The following GRID2 variants were observed in gnomAD, a reference collection of about 807,000 sequenced individuals.
GRID2 encodes glutamate ionotropic receptor delta type subunit 2, also known as glutamate receptor ionotropic, delta-2.
Under a neutral mutation model 114.8 loss-of-function variants are expected in GRID2, and 33 were observed. That is an observed-to-expected ratio of 0.29 (90% CI 0.22 to 0.38). The LOEUF is 0.38. GRID2 is among the 10% of genes least tolerant of loss of function. The probability of loss-of-function intolerance (pLI) is 1.00; values close to 1 mark genes in which losing one functional copy is unlikely to be tolerated. For missense variants in GRID2, 1,184 were observed against 1,257.7 expected, an observed-to-expected ratio of 0.94 and a Z score of 0.89; for synonymous variants, 505 against 449.9, an observed-to-expected ratio of 1.12 and a Z score of -1.55.
intron 14 of GRID2, among the ~76,000 whole-genome samples, chr4:93,703,326 C>T (rs1295375989): frequency 6.6e-6 from 1 of 151,918 alleles, no homozygotes; most frequent in Non-Finnish European, 1.5e-5. Context: ...TTACAGGCAT[C>T]CAAAGTGTAA....
chr4:92,443,915 A>G (rs1733284852), intron 1 of GRID2, among the ~76,000 whole-genome samples: 1 of 152,216 alleles, frequency 6.6e-6, no homozygotes, highest in Non-Finnish European at 1.5e-5. Flanking sequence ...GGGTCCACAG[A>G]TAAAATGTAT....
intron 4 of GRID2, among the ~76,000 whole-genome samples, chr4:93,117,319 A>G (rs548531412): frequency 5.4e-4 from 82 of 152,098 alleles, no homozygotes; most frequent in African/African-American, 1.9e-3. Context: ...TTTAGAAGAG[A>G]ATCCTATGCT....
At chr4:92,428,179 A>G (rs760433258) in intron 1 of GRID2, among the ~76,000 whole-genome samples, 69 of 152,028 alleles carry the variant, frequency 4.5e-4, no homozygotes, top group East Asian at 7.8e-4. Context: ...GGAGAATGGC[A>G]TGAACCCGGG....
intron 14 of GRID2, among the ~76,000 whole-genome samples, chr4:93,681,418 G>GA (rs1039453689): frequency 4.0e-5 from 6 of 148,518 alleles, no homozygotes; most frequent in South Asian, 2.1e-4. Context: ...CACAGAATTG[G>GA]AAAAAAACTA....
chr4:93,052,638 A>G (rs1165593026), intron 2 of GRID2, among the ~76,000 whole-genome samples: 7 of 151,960 alleles, frequency 4.6e-5, no homozygotes, highest in Non-Finnish European at 1.0e-4. Context: ...GTCAACCACT[A>G]TCAGAAATGT....
chr4:93,324,853 G>A (rs1757653459), intron 8 of GRID2, among the ~76,000 whole-genome samples: 2 of 152,164 alleles, frequency 1.3e-5, no homozygotes, highest in Admixed American at 6.5e-5. Context: ...TCTGGTGGTA[G>A]TTTGTATGTC....
chr4:93,689,920 C>T (rs1006229536), intron 14 of GRID2, among the ~76,000 whole-genome samples: 4 of 151,920 alleles, frequency 2.6e-5, no homozygotes, highest in African/African-American at 9.7e-5. Flanking sequence ...TTGGAAAATA[C>T]AGAAAAGTCA....
At chr4:92,972,290 T>C (rs1753572587) in intron 2 of GRID2, among the ~76,000 whole-genome samples, 1 of 151,940 alleles carries the variant, frequency 6.6e-6, no homozygotes, top group African/African-American at 2.4e-5. Context: ...ATTTTCCTGA[T>C]GATTAGTGAT....
At chr4:93,517,078 G>A (rs914650434) in intron 13 of GRID2, among the ~76,000 whole-genome samples, 2 of 151,982 alleles carry the variant, frequency 1.3e-5, no homozygotes, top group African/African-American at 2.4e-5. Context: ...TCTGGGCCTT[G>A]AGAGTTGCAT....
chr4:92,712,889 TGTAACTCAGGG>T (rs776217529), intron 2 of GRID2, among the ~76,000 whole-genome samples: 14 of 152,194 alleles, frequency 9.2e-5, no homozygotes, highest in African/African-American at 2.9e-4. Flanking sequence ...AGCTACTGTA[TGTAACTCAGGG>T]GTAACTCAGG....
At position 92,461,923 on chromosome 4, in the gene GRID2, C is replaced by G. The variant is rs570082577; in HGVS notation, c.89-128208C>G. ...ACTTTCTGGGCTTTTAAAATCATACCACCAATTATTCCTGAGATGTTGTAT... is the reference window on the plus strand; with the variant it reads ...ACTTTCTGGGCTTTTAAAATCATACGACCAATTATTCCTGAGATGTTGTAT... On this transcript the variant is annotated intron_variant, in intron 1 of 15. Transcript: ENST00000282020. Among the ~76,000 whole-genome samples, 9 of 152,006 alleles carry G rather than the reference C, an allele frequency of 5.9e-5. No individual in the cohort carries two copies. The East Asian group carries it at 1.7e-3, about 29-fold the overall frequency.
intron 4 of GRID2, among the ~76,000 whole-genome samples, chr4:93,128,058 A>AAAAAAC (rs1734459559): frequency 9.5e-6 from 1 of 105,532 alleles, no homozygotes; most frequent in Non-Finnish European, 1.9e-5. Context: ...AAAAAAAAAA[A>AAAAAAC]ACAACAGTAC....
intron 8 of GRID2, among the ~76,000 whole-genome samples, chr4:93,336,620 A>G (rs576951182): frequency 2.6e-5 from 4 of 152,284 alleles, no homozygotes; most frequent in South Asian, 4.1e-4. Flanking sequence ...GGTGTTGACA[A>G]TTGCTCCCCA....
At chr4:92,689,269 G>A (rs1435796556) in intron 2 of GRID2, among the ~76,000 whole-genome samples, 2 of 152,146 alleles carry the variant, frequency 1.3e-5, no homozygotes, top group African/African-American at 4.8e-5. Context: ...AAAAGGAAGT[G>A]AGCCTGTCCT....
intron 13 of GRID2, among the ~76,000 whole-genome samples, chr4:93,605,798 G>A (rs148282254): frequency 6.6e-6 from 1 of 152,268 alleles, no homozygotes; most frequent in South Asian, 2.1e-4. Flanking sequence ...GTCAAAAGAG[G>A]TAAGTATAAT....
At chr4:93,794,377 T>C (rs1734754237) in intron 1 of GRID2, among the ~76,000 whole-genome samples, 1 of 152,196 alleles carries the variant, frequency 6.6e-6, no homozygotes, top group South Asian at 2.1e-4. Context: ...AGGGACACTT[T>C]AATAACCCAC....
intron 14 of GRID2, among the ~76,000 whole-genome samples, chr4:93,698,578 C>T (rs970078599): frequency 1.3e-5 from 2 of 152,018 alleles, no homozygotes; most frequent in African/African-American, 4.8e-5. Context: ...CTAAAATAGA[C>T]TTCTTGATAA....
At chr4:93,295,843 A>G (rs1754254561) in intron 8 of GRID2, among the ~76,000 whole-genome samples, 1 of 152,238 alleles carries the variant, frequency 6.6e-6, no homozygotes, top group Admixed American at 6.5e-5. Flanking sequence ...AAAACTGACC[A>G]TCACACCAAC....
At chr4:92,871,265 G>T (rs1222894485) in intron 2 of GRID2, among the ~76,000 whole-genome samples, 11 of 150,284 alleles carry the variant, frequency 7.3e-5, no homozygotes, top group African/African-American at 1.7e-4. Context: ...TTTTTTAAAA[G>T]AACTAAATAA....
Sources: gnomAD v4.1 joint callset for allele counts (sites outside exome capture counted in the v4.1 genomes callset) on GRCh38, gnomAD v4.1.1 for gene constraint, MANE v1.5 for transcripts, NCBI Gene and HGNC (gene_info 2026-07-23, HGNC 2026-07-21) for gene names.